KIF26B: variants seen among roughly 807,000 people sequenced by gnomAD.
KIF26B encodes the protein kinesin-like protein KIF26B.
In KIF26B, 63 loss-of-function variants were observed where a neutral mutation model predicts 151.2. That is an observed-to-expected ratio of 0.42 (90% CI 0.34 to 0.51). The LOEUF (loss-of-function observed/expected upper bound fraction) is 0.51. Ranked by LOEUF, KIF26B falls within the 20% of genes least tolerant of loss-of-function variation. The pLI is 0.07. For synonymous variants in KIF26B, 1,357 were observed against 1,262.1 expected (o/e 1.08, Z -1.59); for missense variants, 2,813 against 2,913.6 (o/e 0.97, Z 0.79).
intron 9 of KIF26B, among the ~76,000 whole-genome samples, chr1:245,642,945 C>T (rs1223908121): frequency 2.6e-5 from 4 of 152,194 alleles, no homozygotes; most frequent in African/African-American, 7.2e-5. Context: ...AGTTCCACGA[C>T]TGCAGCAGGA....
At chr1:245,369,096 C>CCACTGCACTCCAGCAG (rs967334482) in intron 3 of KIF26B, among the ~76,000 whole-genome samples, 56 of 152,142 alleles carry the variant, frequency 3.7e-4, no homozygotes, top group African/African-American at 9.9e-4. Context: ...CGAGATTGCA[C>CCACTGCACTCCAGCAG]CACTGCACTC....
At chr1:245,225,582 C>G (rs1259265707) in intron 2 of KIF26B, among the ~76,000 whole-genome samples, 1 of 152,176 alleles carries the variant, frequency 6.6e-6, no homozygotes, top group Non-Finnish European at 1.5e-5. Flanking sequence ...GTGGGGCTAC[C>G]CTCACCCATC....
Position 245,569,927 on chromosome 1 carries a change from A to ATTTTTTTTTT in KIF26B, c.1350+28994_1350+29003dup, listed in dbSNP as rs869238168. The stretch of plus-strand genomic sequence containing the variant: ...GGGAAACCTACGTTGTAAATAGAGA[A>ATTTTTTTTTT]TTTTTTTTTTTTTTTTTTTTTTTTT... On this transcript the variant is annotated intron_variant, in intron 5 of 14. Coordinates refer to ENST00000407071, the MANE Select transcript of KIF26B (RefSeq NM_018012.4). Among the ~76,000 whole-genome samples, 27 of 47,666 alleles carry ATTTTTTTTTT rather than the reference A, an allele frequency of 5.7e-4. 4 individuals carry two copies. The highest frequency in any genetic ancestry group is 2.3e-3 in the African/African-American group (27 of 11,566). The allele number at this position is 47,666 out of a possible 152,430, so 31.3% of individuals were successfully genotyped here.
At chr1:245,523,238 C>T (rs1175567688) in intron 4 of KIF26B, among the ~76,000 whole-genome samples, 1 of 152,150 alleles carries the variant, frequency 6.6e-6, no homozygotes, top group Non-Finnish European at 1.5e-5. Flanking sequence ...TACTAAAGTA[C>T]TATATTACTA....
chr1:245,562,028 A>G (rs1273038027), intron 5 of KIF26B, among the ~76,000 whole-genome samples: 16 of 152,074 alleles, frequency 1.1e-4, no homozygotes, highest in Admixed American at 1.0e-3. Context: ...CAGCTGTTTC[A>G]TACCCAGATG....
At chr1:245,283,872 G>C (rs1449054195) in intron 2 of KIF26B, among the ~76,000 whole-genome samples, 1 of 152,092 alleles carries the variant, frequency 6.6e-6, no homozygotes, top group Non-Finnish European at 1.5e-5. Context: ...ATTATTAGTA[G>C]AGACTGGGTT....
At chr1:245,440,169 C>T (rs796546400) in intron 4 of KIF26B, among the ~76,000 whole-genome samples, 78 of 151,660 alleles carry the variant, frequency 5.1e-4, no homozygotes, top group African/African-American at 1.7e-3. Flanking sequence ...CGCAGTGAGC[C>T]GAGATCGTGC....
chr1:245,169,362 T>TGTGTGTGTGTGTGTGTGTGCGC (rs879260509), intron 2 of KIF26B, among the ~76,000 whole-genome samples: 6 of 150,986 alleles, frequency 4.0e-5, no homozygotes, highest in African/African-American at 1.5e-4. Flanking sequence ...TGTGTGTGTG[T>TGTGTGTGTGTGTGTGTGTGCGC]GCGCGCAAGC....
intron 8 of KIF26B, among the ~76,000 whole-genome samples, chr1:245,611,252 A>G (rs566956307): frequency 2.2e-4 from 33 of 152,348 alleles, no homozygotes; most frequent in African/African-American, 7.7e-4. Context: ...GCTAGTAAAT[A>G]TGGCCTAAAA....
intron 4 of KIF26B, among the ~76,000 whole-genome samples, chr1:245,518,762 G>T (rs1360679686): frequency 6.6e-6 from 1 of 152,086 alleles, no homozygotes; most frequent in African/African-American, 2.4e-5. Context: ...ACGCCGCGGT[G>T]GTTACAGAGC....
rs2044024356 is a variant in KIF26B at position 245,652,130 on chromosome 1, G to GTT, written c.2258+5851_2258+5852insTT. 2.1e-5 allele frequency among the ~76,000 whole-genome samples: 3 copies of GTT among 139,760 alleles called. No homozygotes were observed. The South Asian group carries it at 6.7e-4, about 31-fold the overall frequency. 91.7% of individuals were successfully genotyped at this position (139,760 alleles called of 152,430 possible). On this transcript the variant is annotated intron_variant, in intron 10 of 14. Transcript: ENST00000407071. ...TGTGTGTGTGTGTGTGTGTGTGTGT[G>GTT]TGTGTGTGTGTGTGTGAGAGAGACA... is the stretch of plus-strand genomic sequence containing the variant.
intron 5 of KIF26B, among the ~76,000 whole-genome samples, chr1:245,584,908 G>T (rs907094632): frequency 3.3e-5 from 5 of 152,262 alleles, no homozygotes; most frequent in African/African-American, 1.2e-4. Context: ...CTTCGATTTT[G>T]ACACCATAGA....
At chr1:245,456,788 G>A (rs2103055667) in intron 4 of KIF26B, among the ~76,000 whole-genome samples, 1 of 152,376 alleles carries the variant, frequency 6.6e-6, no homozygotes, top group South Asian at 2.1e-4. Context: ...TTTGCCAGCT[G>A]TTGTGCCTGG....
At chr1:245,269,732 G>T (rs1670816292) in intron 2 of KIF26B, among the ~76,000 whole-genome samples, 1 of 151,942 alleles carries the variant, frequency 6.6e-6, no homozygotes, top group South Asian at 2.1e-4. Flanking sequence ...CAAAGTGCTG[G>T]GATTACAAGC....
intron 4 of KIF26B, among the ~76,000 whole-genome samples, chr1:245,429,838 C>A (rs1482620362): frequency 6.6e-6 from 1 of 152,196 alleles, no homozygotes; most frequent in Non-Finnish European, 1.5e-5. Context: ...TGGTCTTGGA[C>A]ACCTGACCTC....
chr1:245,285,846 A>C (rs552274489), intron 2 of KIF26B, among the ~76,000 whole-genome samples: 1 of 151,894 alleles, frequency 6.6e-6, no homozygotes, highest in East Asian at 1.9e-4. Flanking sequence ...ATGAAAAATA[A>C]AAATTAGCCA....
At chr1:245,209,488 A>T (rs558269388) in intron 2 of KIF26B, among the ~76,000 whole-genome samples, 2 of 152,304 alleles carry the variant, frequency 1.3e-5, no homozygotes, top group South Asian at 4.1e-4. Flanking sequence ...GTACAGAAAC[A>T]CGTGTAGAAG....
chr1:245,660,895 A>G (rs2044128815), intron 10 of KIF26B, among the ~76,000 whole-genome samples: 1 of 151,936 alleles, frequency 6.6e-6, no homozygotes, highest in Non-Finnish European at 1.5e-5. Context: ...GGCTCACTGC[A>G]GCCTTGACCT....
intron 3 of KIF26B, among the ~76,000 whole-genome samples, chr1:245,379,278 TACTG>T (rs1404606407): frequency 6.6e-6 from 1 of 152,216 alleles, no homozygotes; most frequent in African/African-American, 2.4e-5. Flanking sequence ...ATTAATAAAA[TACTG>T]AAAGGCTCAT....
Sources: gnomAD v4.1 joint callset for allele counts (sites outside exome capture counted in the v4.1 genomes callset) on GRCh38, gnomAD v4.1.1 for gene constraint, MANE v1.5 for transcripts, NCBI Gene and HGNC (gene_info 2026-07-23, HGNC 2026-07-21) for gene names.